Variants in SYNE1 observed in about 807,000 individuals in gnomAD.
SYNE1 encodes nesprin-1.
A neutral mutation model predicts 1,111.0 loss-of-function variants in SYNE1; 616 were observed. The observed-to-expected ratio is 0.55, with a 90% CI of 0.52 to 0.59. The LOEUF (loss-of-function observed/expected upper bound fraction) is 0.59, where lower values mean the gene tolerates loss of function less well. Among genes scored for constraint, SYNE1 ranks in the 20% least tolerant of loss-of-function variants. SYNE1 has a pLI of 0.00. For missense variants in SYNE1, 10,006 were observed against 10,417.0 expected (o/e 0.96, Z 1.72); for synonymous variants, 3,855 against 3,825.8 (o/e 1.01, Z -0.28).
chr6:152,627,139 G>C (rs2099687316), intron 3 of SYNE1, among the ~76,000 whole-genome samples: 1 of 152,104 alleles, frequency 6.6e-6, no homozygotes, highest in Non-Finnish European at 1.5e-5. Flanking sequence ...GCATTTGAAG[G>C]CTGGGCTTAT....
intron 10 of SYNE1, among the ~76,000 whole-genome samples, chr6:152,499,690 A>G (rs1020564739): frequency 5.9e-5 from 9 of 152,186 alleles, no homozygotes; most frequent in African/African-American, 1.7e-4. Flanking sequence ...AAAAAAATAC[A>G]TTATTCAAAA....
chr6:152,386,238 G>A (rs1432895289), intron 54 of SYNE1, among the ~76,000 whole-genome samples: 2 of 152,072 alleles, frequency 1.3e-5, no homozygotes, highest in Non-Finnish European at 1.5e-5. Context: ...AGTCCTGTGA[G>A]GAAGATACTA....
Position 152,122,585 on chromosome 6 carries a change from G to A in SYNE1, c.26245C>T (p.Leu8749Phe). The change falls in exon 146 of 146, where the codon CTT becomes TTT. Residue 8749 changes from leucine (L) to phenylalanine (F), a missense_variant. Coordinates refer to ENST00000367255, the MANE Select transcript of SYNE1 (RefSeq NM_182961.4). ...GFLFRVLRAALPLQLLLLLLI... is the reference protein window; with the variant it reads ...GFLFRVLRAAFPLQLLLLLLI... ...AGGAGCAGGAGAAGCTGAAGGGGAA[G>A]AGCTGCTCGGAGGACTCTGAACAGG... is the stretch of plus-strand genomic sequence containing the variant. The A allele has an allele frequency of 6.2e-7, 1 of 1,614,218 alleles. No homozygotes were observed. The highest frequency in any genetic ancestry group is 8.5e-7 in the Non-Finnish European group (1 of 1,180,042).
Position 152,416,370 on chromosome 6 carries a change from G to C in SYNE1, c.6050+17C>G, listed in dbSNP as rs2098155062. 1 of 1,613,238 alleles carries C rather than the reference G, an allele frequency of 6.2e-7. No homozygotes were observed. The highest frequency in any genetic ancestry group is 2.2e-5 in the East Asian group (1 of 44,896). Reference sequence around the variant, plus strand: ...CAAAAGAAAAGAGACAAGTGGCCGTGACAGTTTCCTATTTACCTCTGCTGA... The same window carrying C: ...CAAAAGAAAAGAGACAAGTGGCCGTCACAGTTTCCTATTTACCTCTGCTGA... On this transcript the variant is annotated intron_variant, in intron 41 of 145. Coordinates refer to ENST00000367255, the MANE Select transcript of SYNE1 (RefSeq NM_182961.4).
At chr6:152,186,503 C>T (rs148045017) in intron 128 of SYNE1, among the ~76,000 whole-genome samples, 37 of 125,748 alleles carry the variant, frequency 2.9e-4, no homozygotes, top group African/African-American at 1.1e-3. Flanking sequence ...CTGCGGTGAG[C>T]CGAGATCACA....
chr6:152,366,244 A>G (rs1265096297), intron 62 of SYNE1, among the ~76,000 whole-genome samples: 1 of 152,188 alleles, frequency 6.6e-6, no homozygotes, highest in Non-Finnish European at 1.5e-5. Context: ...AGGCAGGAGA[A>G]TCGCTTGAAC....
chr6:152,316,672 T>C (rs2153891736), intron 87 of SYNE1, 177 bp downstream of exon 87: 3 of 669,716 alleles, frequency 4.5e-6, no homozygotes, highest in Non-Finnish European at 7.6e-6. Flanking sequence ...TTTCATGAAA[T>C]TTCATGAGAA....
chr6:152,429,056 T>C (rs2098402549), intron 36 of SYNE1, among the ~76,000 whole-genome samples: 1 of 149,962 alleles, frequency 6.7e-6, no homozygotes, highest in South Asian at 2.1e-4. Context: ...AAAAGAATTA[T>C]GGCTGAAGAA....
intron 34 of SYNE1, 57 bp from the exon 35 acceptor site, chr6:152,430,766 A>G (rs1563968086): frequency 6.9e-7 from 1 of 1,450,364 alleles, no homozygotes; most frequent in Non-Finnish European, 9.7e-7. Context: ...GCCTTCCTGA[A>G]ATGATACAAT....
At chr6:152,611,485 A>C (rs2099631158) in intron 3 of SYNE1, among the ~76,000 whole-genome samples, 1 of 152,232 alleles carries the variant, frequency 6.6e-6, no homozygotes, top group Non-Finnish European at 1.5e-5. Context: ...AGGAGCACCC[A>C]GATTCATAAA....
intron 97 of SYNE1, among the ~76,000 whole-genome samples, chr6:152,279,709 C>T (rs2153716009): frequency 7.5e-6 from 1 of 133,212 alleles, no homozygotes; most frequent in Admixed American, 7.7e-5. Context: ...AAAGTGAGAC[C>T]TTGTCTCAAA....
chr6:152,208,246 T>C, intron 124 of SYNE1, 40 bp from the exon 125 acceptor site: 1 of 1,577,124 alleles, frequency 6.3e-7, no homozygotes, highest in Non-Finnish European at 8.7e-7. Context: ...AGCACTGTTA[T>C]CTTGGATGCA....
At chr6:152,388,249 C>T (rs2097553238) in intron 53 of SYNE1, among the ~76,000 whole-genome samples, 1 of 151,548 alleles carries the variant, frequency 6.6e-6, no homozygotes, top group Admixed American at 6.6e-5. Context: ...AAAGCACCCC[C>T]CGCCTTTTTT....
At chr6:152,203,955 G>C (rs2076010072) in intron 126 of SYNE1, among the ~76,000 whole-genome samples, 1 of 152,126 alleles carries the variant, frequency 6.6e-6, no homozygotes, top group Non-Finnish European at 1.5e-5. Context: ...GCTAACCATA[G>C]TGAGGGTAGA....
intron 87 of SYNE1, among the ~76,000 whole-genome samples, chr6:152,311,711 G>A (rs1231071648): frequency 2.6e-5 from 4 of 152,230 alleles, no homozygotes; most frequent in South Asian, 4.1e-4. Context: ...CACACAGTTA[G>A]TGGGGTGTGT....
chr6:152,338,118 G>A (rs72999349), intron 75 of SYNE1, among the ~76,000 whole-genome samples: 5,138 of 151,886 alleles, frequency 0.034, 111 homozygotes, highest in South Asian at 0.066. Flanking sequence ...ACTGTGCTCC[G>A]GCCTGGGAAA....
At chr6:152,305,270 T>G (rs1250186019) in intron 91 of SYNE1, among the ~76,000 whole-genome samples, 1 of 152,082 alleles carries the variant, frequency 6.6e-6, no homozygotes, top group Non-Finnish European at 1.5e-5. Context: ...AAAGTATTAT[T>G]ATTATTATTT....
rs114072135 is a variant in SYNE1 at position 152,140,635 on chromosome 6, G to A, written c.25247-474C>T. On this transcript the variant is annotated intron_variant, in intron 139 of 145. Coordinates refer to ENST00000367255, the MANE Select transcript of SYNE1 (RefSeq NM_182961.4). ...ACTTGAGCCCAGGAGTTGGAGTCTA[G>A]TTTGGGCAACACAGCGAGACTTCAT... Among the ~76,000 whole-genome samples, 1,013 of 151,838 alleles carry A rather than the reference G, an allele frequency of 6.7e-3. 13 individuals are homozygous for A. The highest frequency in any genetic ancestry group is 0.024 in the African/African-American group (981 of 41,398).
chr6:152,367,044 T>C (rs752663004), intron 62 of SYNE1, 174 bp downstream of exon 62: 8 of 793,952 alleles, frequency 1.0e-5, no homozygotes, highest in Non-Finnish European at 1.6e-5. Flanking sequence ...CGGGGTCAGA[T>C]GATTCAGGAA....
Sources: gnomAD v4.1 joint callset for allele counts (sites outside exome capture counted in the v4.1 genomes callset) on GRCh38, gnomAD v4.1.1 for gene constraint, MANE v1.5 for transcripts, NCBI Gene and HGNC (gene_info 2026-07-23, HGNC 2026-07-21) for gene names.